VPS4B: variants seen among roughly 807,000 people sequenced by gnomAD.
VPS4B encodes the protein vacuolar protein sorting-associated protein 4B.
A neutral mutation model predicts 56.1 loss-of-function variants in VPS4B; 23 were observed. The observed-to-expected ratio is 0.41, with a 90% confidence interval of 0.30 to 0.58. The LOEUF (loss-of-function observed/expected upper bound fraction) is 0.58. VPS4B is among the 20% of genes least tolerant of loss of function. The pLI is 0.29. For synonymous variants in VPS4B, 177 were observed against 186.0 expected (o/e 0.95, Z 0.39); for missense variants, 372 against 531.9 (o/e 0.70, Z 2.96).
chr18:63,401,950 GCCATTGCATT>G, intron 5 of VPS4B, among the ~76,000 whole-genome samples: 1 of 152,220 alleles, frequency 6.6e-6, no homozygotes, highest in East Asian at 1.9e-4. Context: ...ACGAGACCAC[GCCATTGCATT>G]CCAGCCTGGG....
chr18:63,400,998 C>T (rs1915795510), intron 5 of VPS4B, among the ~76,000 whole-genome samples: 1 of 152,178 alleles, frequency 6.6e-6, no homozygotes, highest in South Asian at 2.1e-4. Context: ...AGGATTTCTG[C>T]CCTGCGTGGA....
Position 63,422,373 on chromosome 18 carries a change from G to C in VPS4B, c.-114C>G, listed in dbSNP as rs554414658. ...CAAACTGGGGAGGCCGGTGGTTCTCGGACCGCGAAGGGCAGCCTCCCTTCC... is the reference window on the plus strand; with the variant it reads ...CAAACTGGGGAGGCCGGTGGTTCTCCGACCGCGAAGGGCAGCCTCCCTTCC... On this transcript the variant is annotated 5_prime_UTR_variant, in exon 1 of 11. Transcript: ENST00000238497. The C allele has an allele frequency of 9.0e-6, 9 of 1,000,810 alleles. No individual in the cohort carries two copies. In the Admixed American group the frequency reaches 1.6e-4, roughly 18 times the overall value. 62.0% of individuals were successfully genotyped at this position (1,000,810 alleles called of 1,614,324 possible). A position where few individuals can be genotyped will look rare whatever the true frequency, so the allele number is the denominator to read the frequency against.
intron 10 of VPS4B, 83 bp from the exon 11 acceptor site, chr18:63,391,159 T>A: frequency 2.2e-6 from 2 of 889,776 alleles, no homozygotes; most frequent in Non-Finnish European, 1.8e-6. Context: ...ATTATTGCTA[T>A]GAACTTTAAC....
intron 1 of VPS4B, among the ~76,000 whole-genome samples, chr18:63,417,660 T>A: frequency 6.6e-6 from 1 of 151,762 alleles, no homozygotes; most frequent in South Asian, 2.1e-4. Flanking sequence ...AGCATGCATA[T>A]GTTTTTTTTG....
chr18:63,415,382 T>A, intron 1 of VPS4B: 1 of 258,866 alleles, frequency 3.9e-6, no homozygotes, highest in Admixed American at 4.2e-5. Flanking sequence ...GCTACTGCTA[T>A]CTCAAAGTCC....
At chr18:63,421,669 A>G (rs1016163622) in intron 1 of VPS4B, among the ~76,000 whole-genome samples, 2 of 152,168 alleles carry the variant, frequency 1.3e-5, no homozygotes, top group Non-Finnish European at 2.9e-5. Context: ...AAGTGGAGCC[A>G]CACAGAGGTT....
chr18:63,400,791 C>T lies in VPS4B; in HGVS notation c.485-88G>A, dbSNP rs1446270072. The T allele has an allele frequency of 5.3e-5, 65 of 1,219,264 alleles. 1 individual carries two copies. The East Asian group carries it at 1.7e-3, about 31-fold the overall frequency. The allele number at this position is 1,219,264 out of a possible 1,614,324, so 75.5% of individuals were successfully genotyped here. A position where few individuals can be genotyped will look rare whatever the true frequency, so the allele number is the denominator to read the frequency against. The stretch of plus-strand genomic sequence containing the variant: ...GAGGAATACTCTGGAAAGATTTTCA[C>T]TCTAAACCTCTAAGGATCAAAACAA... On this transcript the variant is annotated intron_variant, in intron 5 of 10. Transcript: ENST00000238497.
intron 9 of VPS4B, among the ~76,000 whole-genome samples, chr18:63,395,205 G>A (rs554520772): frequency 1.3e-5 from 2 of 152,280 alleles, no homozygotes; most frequent in Admixed American, 1.3e-4. Context: ...ATGCAGAATT[G>A]AGTGACAAAC....
chr18:63,421,037 CAAAAAAA>C (rs36083080), intron 1 of VPS4B, among the ~76,000 whole-genome samples: 1 of 52,028 alleles, frequency 1.9e-5, no homozygotes, highest in African/African-American at 7.0e-5. Context: ...GACTCCGTCT[CAAAAAAA>C]AAAAAAAAAA....
At chr18:63,412,079 T>A (rs1483085453) in intron 1 of VPS4B, among the ~76,000 whole-genome samples, 3 of 152,212 alleles carry the variant, frequency 2.0e-5, no homozygotes. Context: ...TATATTTCAA[T>A]CCAGTAATTA....
At chr18:63,393,242 A>C (rs184069870) in intron 10 of VPS4B, among the ~76,000 whole-genome samples, 167 bp downstream of exon 10, 7 of 152,302 alleles carry the variant, frequency 4.6e-5, no homozygotes, top group Non-Finnish European at 1.0e-4. Flanking sequence ...AAAAATAATG[A>C]CTTTTTATAT....
intron 9 of VPS4B, chr18:63,396,270 T>C (rs1915666165): frequency 6.6e-6 from 1 of 152,236 alleles, no homozygotes; most frequent in African/African-American, 2.4e-5. Flanking sequence ...TTTCTTTTTT[T>C]AAGACAGGGT....
Position 63,410,349 on chromosome 18 carries a change from T to C in VPS4B, c.237A>G (p.Lys79=). The change falls in exon 3 of 11, where the codon AAA becomes AAG. Residue 79 remains lysine, a synonymous_variant. Transcript: ENST00000238497. The part of the protein sequence containing the change: ...AEKLKEYLKN[K]EKKAQKPVKE... ...TCACTGGCTTCTGTGCTTTTTTCTC[T>C]TTATTTTTCAGGTACTCCTTTAGTT... is the stretch of plus-strand genomic sequence containing the variant. The C allele has an allele frequency of 1.2e-6, 2 of 1,614,130 alleles. No homozygotes were observed. The highest frequency in any genetic ancestry group is 1.7e-6 in the Non-Finnish European group (2 of 1,180,040).
intron 9 of VPS4B, among the ~76,000 whole-genome samples, chr18:63,394,107 C>T (rs1451533004): frequency 6.6e-6 from 1 of 152,026 alleles, no homozygotes. Flanking sequence ...TATGATCACA[C>T]ATAGAAGATG....
intron 4 of VPS4B, among the ~76,000 whole-genome samples, chr18:63,406,494 T>G (rs1289045621): frequency 1.3e-5 from 2 of 152,244 alleles, no homozygotes. Context: ...TCCTTCCCAG[T>G]TATGCATTCT....
chr18:63,415,620 ATCT>A (rs1220045144), intron 1 of VPS4B: 1 of 242,650 alleles, frequency 4.1e-6, no homozygotes, highest in Non-Finnish European at 8.8e-6. Context: ...GATAACCTTG[ATCT>A]TCTTGGGGGC....
In VPS4B at chr18:63,407,575, C is replaced by G. The variant is rs9951277; in HGVS notation, c.297-76G>C. ...AAGGCAAAAATGAAGGAAAAATTAA[C>G]CTGAAATATTTGTAATTTCAGTGGC... On this transcript the variant is annotated intron_variant, in intron 3 of 10. Transcript: ENST00000238497. The G allele has an allele frequency of 0.013, 15,799 of 1,172,286 alleles. 1,149 individuals carry two copies. In the African/African-American group the frequency reaches 0.18, roughly 13 times the overall value. The allele number at this position is 1,172,286 out of a possible 1,614,324, so 72.6% of individuals were successfully genotyped here.
At chr18:63,411,372 A>C in intron 2 of VPS4B, 95 bp downstream of exon 2, 6 of 871,692 alleles carry the variant, frequency 6.9e-6, no homozygotes, top group Non-Finnish European at 9.4e-6. Context: ...TGGATCGTTT[A>C]GAATTGTCTG....
intron 9 of VPS4B, among the ~76,000 whole-genome samples, chr18:63,395,611 T>TA (rs1599355796): frequency 6.6e-6 from 1 of 152,238 alleles, no homozygotes; most frequent in Non-Finnish European, 1.5e-5. Context: ...GTATGTGACT[T>TA]AGTCATATTA....
Sources: allele counts gnomAD v4.1 joint callset (sites outside exome capture counted in the v4.1 genomes callset), GRCh38; gene constraint gnomAD v4.1.1; transcripts MANE v1.5; gene names NCBI Gene and HGNC (gene_info 2026-07-23, HGNC 2026-07-21).